The following ITPR2 variants were observed in gnomAD, a reference collection of about 807,000 sequenced individuals.
ITPR2 encodes the protein inositol 1,4,5-trisphosphate receptor type 2.
Under a neutral mutation model 317.1 loss-of-function variants are expected in ITPR2, and 207 were observed. The observed-to-expected ratio is 0.65, with a 90% CI of 0.58 to 0.73. The LOEUF (loss-of-function observed/expected upper bound fraction) is 0.73, where lower values mean the gene tolerates loss of function less well. Among genes scored for constraint, ITPR2 ranks in the 30% least tolerant of loss-of-function variants. The pLI is 0.00. For synonymous variants in ITPR2, 1,156 were observed against 1,149.1 expected (o/e 1.01, Z -0.12); for missense variants, 2,613 against 3,284.0 (o/e 0.80, Z 4.99).
chr12:26,543,442 G>A (rs1212852342), intron 37 of ITPR2, among the ~76,000 whole-genome samples: 1 of 152,070 alleles, frequency 6.6e-6, no homozygotes, highest in Non-Finnish European at 1.5e-5. Context: ...GAGTGTCATG[G>A]AAATAAGAGT....
chr12:26,471,606 C>A (rs1055667757), intron 45 of ITPR2, among the ~76,000 whole-genome samples: 6 of 152,010 alleles, frequency 3.9e-5, no homozygotes, highest in African/African-American at 1.4e-4. Flanking sequence ...ACAGGAAAGG[C>A]CAAAAGAGAT....
In ITPR2 at chr12:26,602,678, T is replaced by A; in HGVS notation, c.3491A>T (p.Asp1164Val). ...EESNILSPVQ[D>V]GTKKPQIDSN... ...GTCAATCTGAGGTTTCTTTGTTCCA[T>A]CCTGCACTGGACTTAAAATGTTTGA... The change falls in exon 27 of 57, where the codon GAT becomes GTT. Residue 1164 changes from aspartate to valine, a missense_variant. Physicochemically the swap from Asp to Val is radical, Grantham distance 152 (BLOSUM62 -3). Coordinates refer to ENST00000381340, the MANE Select transcript of ITPR2 (RefSeq NM_002223.4). 1.2e-6 allele frequency: 2 copies of A among 1,607,830 alleles called. No individual in the cohort carries two copies. The highest frequency in any genetic ancestry group is 1.1e-5 in the South Asian group (1 of 89,964).
chr12:26,496,343 T>C (rs577057880), intron 37 of ITPR2, among the ~76,000 whole-genome samples: 3 of 152,314 alleles, frequency 2.0e-5, no homozygotes, highest in African/African-American at 7.2e-5. Flanking sequence ...TGCTGTGACA[T>C]GTAGCTCTCA....
intron 45 of ITPR2, among the ~76,000 whole-genome samples, chr12:26,459,342 T>C (rs1941960394): frequency 6.6e-6 from 1 of 152,246 alleles, no homozygotes; most frequent in Non-Finnish European, 1.5e-5. Flanking sequence ...AAGATAGAGA[T>C]GGCTGAGCTG....
chr12:26,588,731 C>T (rs554197664), intron 32 of ITPR2, among the ~76,000 whole-genome samples: 1 of 152,216 alleles, frequency 6.6e-6, no homozygotes, highest in South Asian at 2.1e-4. Flanking sequence ...AAAAAAATGG[C>T]TCAAGTTATC....
At chr12:26,599,626 T>C (rs1329880738) in intron 29 of ITPR2, among the ~76,000 whole-genome samples, 1 of 152,160 alleles carries the variant, frequency 6.6e-6, no homozygotes, top group Non-Finnish European at 1.5e-5. Context: ...AATTAGGTCT[T>C]CCATAAAATC....
At chr12:26,545,336 G>A (rs983545496) in intron 37 of ITPR2, among the ~76,000 whole-genome samples, 3 of 152,078 alleles carry the variant, frequency 2.0e-5, no homozygotes, top group African/African-American at 7.2e-5. Context: ...ATAGGAAGGA[G>A]ACAGGAGCAT....
intron 55 of ITPR2, among the ~76,000 whole-genome samples, chr12:26,351,324 C>G (rs1366690761): frequency 6.6e-6 from 1 of 152,202 alleles, no homozygotes; most frequent in African/African-American, 2.4e-5. Flanking sequence ...TGTCAAAGGT[C>G]TCTAGGAATC....
At chr12:26,560,970 C>T (rs185355065) in intron 35 of ITPR2, among the ~76,000 whole-genome samples, 2 of 152,238 alleles carry the variant, frequency 1.3e-5, no homozygotes, top group Admixed American at 6.5e-5. Flanking sequence ...ATTAGAACTC[C>T]CCCAAATTTC....
chr12:26,776,629 G>C (rs1257551988), intron 2 of ITPR2, among the ~76,000 whole-genome samples: 1 of 152,192 alleles, frequency 6.6e-6, no homozygotes, highest in Non-Finnish European at 1.5e-5. Context: ...CACTGAGCTT[G>C]TAAACTCTGA....
chr12:26,468,488 T>C (rs892320952), intron 45 of ITPR2, among the ~76,000 whole-genome samples: 2 of 151,728 alleles, frequency 1.3e-5, no homozygotes, highest in African/African-American at 4.8e-5. Context: ...TCAGCATGCA[T>C]GCATTTTTGC....
chr12:26,558,740 C>A (rs1201655944), intron 35 of ITPR2, among the ~76,000 whole-genome samples: 5 of 152,198 alleles, frequency 3.3e-5, no homozygotes, highest in Non-Finnish European at 7.3e-5. Flanking sequence ...TTAATAACAT[C>A]TGTATGTTGG....
intron 34 of ITPR2, among the ~76,000 whole-genome samples, chr12:26,574,680 G>A (rs117195829): frequency 1.3e-5 from 2 of 152,142 alleles, no homozygotes; most frequent in Non-Finnish European, 2.9e-5. Flanking sequence ...CTGACTCGTC[G>A]TTCTGCGGGC....
intron 52 of ITPR2, chr12:26,406,631 A>G (rs893519836): frequency 7.2e-5 from 11 of 152,064 alleles, no homozygotes; most frequent in African/African-American, 2.7e-4. Context: ...TGCTGTCCAC[A>G]AGGTAACAAA....
Position 26,486,223 on chromosome 12 carries a change from C to T in ITPR2, c.5692G>A (p.Ala1898Thr). Reference sequence around the variant, plus strand: ...GCGGATTTTTCCTCAGTGTTTCCCGCTTCTGGTCCTGTGCACATAATGTCT... The same window carrying T: ...GCGGATTTTTCCTCAGTGTTTCCCGTTTCTGGTCCTGTGCACATAATGTCT... ...EIDIMCTGPE[A>T]GNTEEKSAEE... The change falls in exon 41 of 57, where the codon GCG (alanine) becomes ACG (threonine). Residue 1898 changes from alanine (A) to threonine (T), a missense_variant. By Grantham distance (58) the Ala-to-Thr change is moderately conservative (BLOSUM62 0). Around this residue, in one of 9 missense-constraint regions of ITPR2, gnomAD observed 926 missense variants for 1,072.8 expected, o/e 0.86. Coordinates refer to ENST00000381340, the MANE Select transcript of ITPR2 (RefSeq NM_002223.4). The T allele has an allele frequency of 6.2e-7, 1 of 1,614,132 alleles. No individual in the cohort carries two copies. Among genetic ancestry groups the T allele is most frequent in the Non-Finnish European group, 8.5e-7 (1 of 1,180,020 alleles).
chr12:26,571,228 T>C (rs886346159), intron 34 of ITPR2, among the ~76,000 whole-genome samples: 1 of 152,346 alleles, frequency 6.6e-6, no homozygotes, highest in Admixed American at 6.5e-5. Context: ...ACATGGTATA[T>C]TCACAATTGA....
At chr12:26,516,173 G>A (rs1943486113) in intron 37 of ITPR2, among the ~76,000 whole-genome samples, 1 of 130,372 alleles carries the variant, frequency 7.7e-6, no homozygotes, top group Admixed American at 8.4e-5. Context: ...GGAGAGGAGA[G>A]GGGAGGGGAG....
intron 49 of ITPR2, among the ~76,000 whole-genome samples, chr12:26,425,180 G>C (rs1196477860): frequency 1.3e-5 from 2 of 152,018 alleles, no homozygotes; most frequent in African/African-American, 4.8e-5. Flanking sequence ...CTGTCCTCAA[G>C]CAATCATCCT....
chr12:26,434,613 T>C (rs1017228220), intron 48 of ITPR2, among the ~76,000 whole-genome samples: 5 of 152,182 alleles, frequency 3.3e-5, no homozygotes, highest in Non-Finnish European at 7.4e-5. Flanking sequence ...GACATGCTTC[T>C]TGTTATTGAC....
Sources: gnomAD v4.1 joint callset for allele counts (sites outside exome capture counted in the v4.1 genomes callset) on GRCh38, gnomAD v4.1.1 for gene constraint, gnomAD v4.1.1 regional missense constraint, MANE v1.5 for transcripts, NCBI Gene and HGNC (gene_info 2026-07-23, HGNC 2026-07-21) for gene names.